The following HOMER2 variants were observed in gnomAD, a reference collection of about 807,000 sequenced individuals.
HOMER2 encodes the protein homer protein homolog 2.
A neutral mutation model predicts 47.0 loss-of-function variants in HOMER2; 27 were observed. The ratio of observed to expected loss-of-function variants is 0.57; its 90% CI spans 0.42 to 0.79. The LOEUF is 0.79. HOMER2 is among the 30% of genes least tolerant of loss of function. The probability of loss-of-function intolerance (pLI) is 0.00; values close to 1 mark genes in which losing one functional copy is unlikely to be tolerated. For synonymous variants in HOMER2, 161 were observed against 163.8 expected (o/e 0.98, Z 0.13); for missense variants, 443 against 435.0 (o/e 1.02, Z -0.16).
intron 2 of HOMER2, among the ~76,000 whole-genome samples, chr15:82,891,442 A>C (rs2052700541): frequency 6.6e-6 from 1 of 152,200 alleles, no homozygotes; most frequent in Admixed American, 6.5e-5. Context: ...GGTAAAAAGC[A>C]GTCACTTAGA....
At chr15:82,857,383 A>T (rs1204772638) in intron 5 of HOMER2, among the ~76,000 whole-genome samples, 1 of 140,094 alleles carries the variant, frequency 7.1e-6, no homozygotes, top group East Asian at 2.3e-4. Flanking sequence ...GTATTTTGTT[A>T]TAGCAGCCTG....
chr15:82,952,092 T>C (rs1427456217), intron 1 of HOMER2: 61 of 962,396 alleles, frequency 6.3e-5, no homozygotes, highest in Non-Finnish European at 7.3e-5. Context: ...AGGTTTATTA[T>C]TATTTGATTA....
At chr15:82,877,839 G>A (rs2052398180) in intron 2 of HOMER2, among the ~76,000 whole-genome samples, 1 of 138,182 alleles carries the variant, frequency 7.2e-6, no homozygotes, top group South Asian at 2.4e-4. Flanking sequence ...CAAGAGATGG[G>A]GGCAGGGAAG....
At chr15:82,870,920 T>C (rs1358026365) in intron 3 of HOMER2, among the ~76,000 whole-genome samples, 7 of 152,216 alleles carry the variant, frequency 4.6e-5, no homozygotes, top group Non-Finnish European at 1.0e-4. Flanking sequence ...ATGAATAAGA[T>C]GGAACCAAAC....
rs528707717 is a variant in HOMER2, at chr15:82,969,746, T to G, written n.83-10438A>C. Reference sequence around the variant, plus strand: ...AATTATCTTTATGAAATTGAAACCATAGTAATAAACTTAGGGAAGATGCAG... The same window carrying G: ...AATTATCTTTATGAAATTGAAACCAGAGTAATAAACTTAGGGAAGATGCAG... On this transcript the variant is annotated intron_variant and non_coding_transcript_variant, in intron 1 of 1. Coordinates refer to the HOMER2 transcript ENST00000500334. Among the ~76,000 whole-genome samples the G allele has an allele frequency of 5.9e-5, 9 of 152,264 alleles. No homozygotes were observed. In the South Asian group the frequency reaches 1.9e-3, roughly 32 times the overall value.
In HOMER2 at chr15:82,849,453, C is replaced by T. The variant is rs1053432964; in HGVS notation, c.*262G>A. ...TATGAAAGATATAAACATCCCTGCCCTGACTGCATAAATGTTGAAGGTAGA... is the reference window on the plus strand; with the variant it reads ...TATGAAAGATATAAACATCCCTGCCTTGACTGCATAAATGTTGAAGGTAGA... On this transcript the variant is annotated 3_prime_UTR_variant, in exon 9 of 9. Transcript: ENST00000450735. 4 of 507,852 alleles carry T rather than the reference C, an allele frequency of 7.9e-6. No individual in the cohort carries two copies. The highest frequency in any genetic ancestry group is 1.4e-5 in the Non-Finnish European group (4 of 285,752). 31.5% of individuals were successfully genotyped at this position (507,852 alleles called of 1,614,324 possible).
At chr15:82,855,216 C>T (rs1489907026) in intron 5 of HOMER2, among the ~76,000 whole-genome samples, 1 of 147,638 alleles carries the variant, frequency 6.8e-6, no homozygotes, top group Non-Finnish European at 1.5e-5. Context: ...GTCTCAGCTA[C>T]TCAGGAGGCT....
intron 4 of HOMER2, among the ~76,000 whole-genome samples, chr15:82,859,814 G>C (rs899693217): frequency 5.9e-5 from 9 of 151,750 alleles, no homozygotes; most frequent in Non-Finnish European, 1.0e-4. Context: ...ATGGGCAAAG[G>C]AAGAAACTAG....
intron 6 of HOMER2, chr15:82,852,554 TGAA>T (rs1446024908): frequency 2.0e-5 from 6 of 298,464 alleles, no homozygotes; most frequent in African/African-American, 4.4e-5. Context: ...CTCATGGCCG[TGAA>T]GAAGTAGATT....
chr15:82,857,401 ACAG>A lies in HOMER2; in HGVS notation c.494+1625_494+1627del, dbSNP rs539025467. 2.5e-3 allele frequency among the ~76,000 whole-genome samples: 367 copies of A among 148,770 alleles called. 2 individuals are homozygous for A. Among genetic ancestry groups the A allele is most frequent in the African/African-American group, 8.3e-3 (335 of 40,558 alleles). On this transcript the variant is annotated intron_variant, in intron 5 of 8. Coordinates refer to ENST00000450735, the MANE Select transcript of HOMER2 (RefSeq NM_004839.4). ...TTTTGTTATAGCAGCCTGAGCTAAGACAGCTTCTAAGATGATACAGCTTTTTTT... is the reference window on the plus strand; with the variant it reads ...TTTTGTTATAGCAGCCTGAGCTAAGACTTCTAAGATGATACAGCTTTTTTT...
chr15:82,846,335 G>A (rs2051247395), downstream of HOMER2: 1 of 152,182 alleles, frequency 6.6e-6, no homozygotes, highest in African/African-American at 2.4e-5. Flanking sequence ...AAAGATTCCT[G>A]CAAAACCAGA....
At position 82,890,451 on chromosome 15, in the gene HOMER2, G is replaced by C. The variant is rs138599098; in HGVS notation, c.162+2234C>G. Among the ~76,000 whole-genome samples the C allele has an allele frequency of 1.4e-3, 219 of 152,312 alleles. 1 individual carries two copies. Among genetic ancestry groups the C allele is most frequent in the Non-Finnish European group, 2.6e-3 (175 of 68,032 alleles). ...AGCAGCACCCCATGGCCTAGGTTTT[G>C]GATTCCCAGCCTGTAAGTGAGTCTA... On this transcript the variant is annotated intron_variant, in intron 2 of 8. Transcript: ENST00000450735.
intron 4 of HOMER2, among the ~76,000 whole-genome samples, chr15:82,862,060 C>G (rs1407191983): frequency 7.3e-6 from 1 of 136,830 alleles, no homozygotes; most frequent in Non-Finnish European, 1.6e-5. Context: ...CAAAAATAGT[C>G]TTTCTCTCTC....
At chr15:82,834,942 A>ATCAGGGAAGG (rs1182967477), downstream of HOMER2, 2 of 152,110 alleles carry the variant, frequency 1.3e-5, no homozygotes, top group Non-Finnish European at 2.9e-5. Flanking sequence ...AATTTTTAAA[A>ATCAGGGAAGG]TCAGGGAAGG....
chr15:82,849,872 T>C lies in HOMER2; in HGVS notation c.875A>G (p.Asp292Gly). The change falls in exon 9 of 9, where the codon GAC becomes GGC. Residue 292 changes from aspartate (D) to glycine (G), a missense_variant. By Grantham distance (94) the Asp-to-Gly change is moderately conservative. Transcript: ENST00000450735. Reference sequence around the variant, plus strand: ...GTCTGTCTTTAAGGAACGCACTTTGTCTTCCAGGTTTTGATTGTCTCTCTC... The same window carrying C: ...GTCTGTCTTTAAGGAACGCACTTTGCCTTCCAGGTTTTGATTGTCTCTCTC... ...AAERDNQNLE[D>G]KVRSLKTDIE... The C allele has an allele frequency of 6.2e-7, 1 of 1,613,904 alleles. No individual in the cohort carries two copies. The highest frequency in any genetic ancestry group is 8.5e-7 in the Non-Finnish European group (1 of 1,179,822).
At chr15:82,895,441 C>T (rs2032428791) in intron 1 of HOMER2, among the ~76,000 whole-genome samples, 2 of 152,196 alleles carry the variant, frequency 1.3e-5, no homozygotes, top group African/African-American at 4.8e-5. Context: ...TGATATAATC[C>T]AGTCTGCAGT....
chr15:82,893,489 C>T (rs1374850420), intron 1 of HOMER2, among the ~76,000 whole-genome samples: 1 of 151,742 alleles, frequency 6.6e-6, no homozygotes, highest in South Asian at 2.1e-4. Context: ...TGTGCCACTG[C>T]GCTCAGCTAA....
At chr15:82,935,291 T>G (rs1359430311) in intron 1 of HOMER2, among the ~76,000 whole-genome samples, 1 of 152,086 alleles carries the variant, frequency 6.6e-6, no homozygotes, top group Non-Finnish European at 1.5e-5. Context: ...ATCTCAGCAG[T>G]GCTCAAACCA....
At position 82,850,013 on chromosome 15, in the gene HOMER2, CA is replaced by C. The variant is rs1426264849; in HGVS notation, c.844-111del. On this transcript the variant is annotated intron_variant, in intron 8 of 8. Coordinates refer to ENST00000450735, the MANE Select transcript of HOMER2 (RefSeq NM_004839.4). ...CTCCATCCAATCTGAGGGCCTGGGC[CA>C]GGGCTTAAGCTGCCTAGAGACATGC... The C allele has an allele frequency of 1.8e-5, 21 of 1,154,034 alleles. No individual in the cohort carries two copies. The East Asian group carries it at 5.1e-4, about 28-fold the overall frequency. The allele number at this position is 1,154,034 out of a possible 1,614,324, so 71.5% of individuals were successfully genotyped here. A position where few individuals can be genotyped will look rare whatever the true frequency, so the allele number is the denominator to read the frequency against.
Sources: allele counts gnomAD v4.1 joint callset (sites outside exome capture counted in the v4.1 genomes callset), GRCh38; gene constraint gnomAD v4.1.1; transcripts MANE v1.5; gene names NCBI Gene and HGNC (gene_info 2026-07-23, HGNC 2026-07-21).